PTGES3L: variants seen among roughly 807,000 people sequenced by gnomAD.
PTGES3L encodes the protein putative protein PTGES3L.
PTGES3L carries 17 observed loss-of-function variants against 25.0 expected under a neutral mutation model. That is an observed-to-expected ratio of 0.68 (90% CI 0.47 to 1.02). PTGES3L has a LOEUF of 1.02. PTGES3L is among the 50% of genes least tolerant of loss of function. The pLI is 0.00. For synonymous variants in PTGES3L, 59 were observed against 65.7 expected (o/e 0.90, Z 0.50); for missense variants, 202 against 197.5 (o/e 1.02, Z -0.14).
At chr17:42,973,210 G>T (rs865865515) in intron 4 of PTGES3L, among the ~76,000 whole-genome samples, 1 of 121,932 alleles carries the variant, frequency 8.2e-6, no homozygotes, top group Non-Finnish European at 1.8e-5. Flanking sequence ...TCAGCCCCCC[G>T]CCCGGCCAGC....
chr17:42,975,641 G>A (rs1316130236), intron 4 of PTGES3L, among the ~76,000 whole-genome samples: 1 of 152,032 alleles, frequency 6.6e-6, no homozygotes, highest in East Asian at 1.9e-4. Flanking sequence ...GGCATCTGGG[G>A]ATGTGTATCA....
rs748426851 is a variant in PTGES3L, at chr17:42,968,532, GAA to G, written c.*614_*615del. On this transcript the variant is annotated 3_prime_UTR_variant, in exon 7 of 7. Coordinates refer to ENST00000591916, the MANE Select transcript of PTGES3L (RefSeq NM_001261430.2). ...GGCGACAGAGCAAGACTCCATCTCG[GAA>G]AAAAAAAAAAAAAGTATAAAGAGAT... The G allele has an allele frequency of 7.3e-5, 10 of 136,108 alleles. No homozygotes were observed. The highest frequency in any genetic ancestry group is 9.6e-5 in the Non-Finnish European group (6 of 62,506). 8.4% of individuals were successfully genotyped at this position (136,108 alleles called of 1,614,324 possible).
At chr17:42,977,116 C>T (rs1043510334) in intron 4 of PTGES3L, among the ~76,000 whole-genome samples, 2 of 151,972 alleles carry the variant, frequency 1.3e-5, no homozygotes, top group African/African-American at 2.4e-5. Flanking sequence ...CATGGCAAAA[C>T]CCCATCTCTA....
At chr17:42,977,668 GGAGA>G (rs145991932) in intron 4 of PTGES3L, among the ~76,000 whole-genome samples, 145 of 140,024 alleles carry the variant, frequency 1.0e-3, no homozygotes, top group Middle Eastern at 3.6e-3. Context: ...AGGAAGGGAG[GGAGA>G]GAGAGAGAGA....
chr17:42,968,951 GATGTGGAGCC>G lies in PTGES3L; in HGVS notation c.*187_*196del. The G allele has an allele frequency of 1.9e-6, 1 of 529,674 alleles. No homozygotes were observed. Among genetic ancestry groups the G allele is most frequent in the Non-Finnish European group, 3.4e-6 (1 of 295,638 alleles). The allele number at this position is 529,674 out of a possible 1,614,324, so 32.8% of individuals were successfully genotyped here. On this transcript the variant is annotated 3_prime_UTR_variant, in exon 7 of 7. Transcript: ENST00000591916. ...TCTACCCCTCCCCGACCCTGCATCT[GATGTGGAGCC>G]ATAGTCAAGTGCCTAGGAGGAAGAC...
chr17:42,974,011 A>AC (rs912078681), intron 4 of PTGES3L, among the ~76,000 whole-genome samples: 4 of 149,864 alleles, frequency 2.7e-5, no homozygotes, highest in Non-Finnish European at 5.9e-5. Context: ...ATTAAAAAAA[A>AC]ATAAAAATAA....
At chr17:42,970,676 G>GCGCGCACACACACACACACA (rs1490786473) in intron 5 of PTGES3L, among the ~76,000 whole-genome samples, 12 of 144,190 alleles carry the variant, frequency 8.3e-5, no homozygotes, top group African/African-American at 3.2e-4. Flanking sequence ...CTTAACACGC[G>GCGCGCACACACACACACACA]CACACACACA....
At chr17:42,972,480 G>C (rs530457508) in intron 4 of PTGES3L, among the ~76,000 whole-genome samples, 4,465 of 151,818 alleles carry the variant, frequency 0.029, 230 homozygotes, top group African/African-American at 0.1. Context: ...TTGCAGGCAC[G>C]CACCGCCACG....
Position 42,969,190 on chromosome 17 carries a change from G to C in PTGES3L, c.433-4C>G, listed in dbSNP as rs533186249. ...CATCAGCACTGTCAGAATCATCCTG[G>C]GGGCGGGGGGGAAAAAAGACAAAGC... is the stretch of plus-strand genomic sequence containing the variant. On this transcript the variant is annotated splice_polypyrimidine_tract_variant and splice_region_variant and intron_variant, in intron 6 of 6. Coordinates refer to ENST00000591916, the MANE Select transcript of PTGES3L (RefSeq NM_001261430.2). 68 of 1,083,624 alleles carry C rather than the reference G, an allele frequency of 6.3e-5. No homozygotes were observed. Among genetic ancestry groups the C allele is most frequent in the Admixed American group, 1.8e-4 (5 of 27,876 alleles). The allele number at this position is 1,083,624 out of a possible 1,614,324, so 67.1% of individuals were successfully genotyped here.
intron 4 of PTGES3L, among the ~76,000 whole-genome samples, chr17:42,973,221 C>A (rs9675208): frequency 1.1e-4 from 1 of 9,062 alleles, no homozygotes; most frequent in African/African-American, 4.1e-4. Flanking sequence ...CCCGGCCAGC[C>A]GCCCCGTCCG....
chr17:42,977,579 G>C (rs2049977594), intron 4 of PTGES3L, among the ~76,000 whole-genome samples: 1 of 147,836 alleles, frequency 6.8e-6, no homozygotes, highest in Admixed American at 6.8e-5. Context: ...ACTCCAGCCT[G>C]GGCAACAAGA....
chr17:42,973,194 G>A (rs1443020125), intron 4 of PTGES3L, among the ~76,000 whole-genome samples: 3 of 147,812 alleles, frequency 2.0e-5, no homozygotes, highest in Non-Finnish European at 4.5e-5. Context: ...GGGAGGTGGG[G>A]GGGGGTCAGC....
Position 42,979,649 on chromosome 17 carries a change from G to T in PTGES3L, c.23C>A (p.Thr8Asn). The T allele has an allele frequency of 1.9e-6, 3 of 1,614,080 alleles. No individual in the cohort carries two copies. Among genetic ancestry groups the T allele is most frequent in the Non-Finnish European group, 2.5e-6 (3 of 1,180,006 alleles). Residue 8 changes from threonine to asparagine, a missense_variant, in exon 2 of 7, where the codon ACC becomes AAC. By Grantham distance (65) the Thr-to-Asn change is moderately conservative (BLOSUM62 0). Coordinates refer to ENST00000591916, the MANE Select transcript of PTGES3L (RefSeq NM_001261430.2). Reference sequence around the variant, plus strand: ...ATACCTGGGCCTGTCGTACCACAAGGTCCGGGCGTGCTGCCTGAAGAGAAG... The same window carrying T: ...ATACCTGGGCCTGTCGTACCACAAGTTCCGGGCGTGCTGCCTGAAGAGAAG... MARQHAR[T>N]LWYDRPRYVF... is the part of the protein sequence containing the mutation.
intron 4 of PTGES3L, among the ~76,000 whole-genome samples, chr17:42,975,839 G>C (rs2049944640): frequency 6.6e-6 from 1 of 151,594 alleles, no homozygotes; most frequent in Non-Finnish European, 1.5e-5. Flanking sequence ...ACCGCGCTCT[G>C]CTAACTTTCG....
intron 6 of PTGES3L, 67 bp from the exon 7 acceptor site, chr17:42,969,253 C>T: frequency 1.0e-6 from 1 of 967,720 alleles, no homozygotes; most frequent in East Asian, 2.7e-5. Context: ...TTTGTGTTAA[C>T]AAATACTGCT....
Position 42,979,254 on chromosome 17 carries a change from C to A in PTGES3L, c.204G>T (p.Lys68Asn), listed in dbSNP as rs2050026055. ...AKVNSKDSQD[K>N]RSSRSITCFV... ...AACAAGTAATAGAGCGGGAAGAGCG[C>A]TTATCCTGGGAGTCCTGCCAGATAG... is the stretch of plus-strand genomic sequence containing the variant. The change falls in exon 4 of 7, where the codon AAG (lysine) becomes AAT (asparagine). Residue 68 changes from lysine (K) to asparagine (N), a missense_variant. Lys to Asn is a moderately conservative substitution (Grantham distance 94, BLOSUM62 0). Coordinates refer to ENST00000591916, the MANE Select transcript of PTGES3L (RefSeq NM_001261430.2). The A allele has an allele frequency of 1.2e-6, 2 of 1,613,950 alleles. No individual in the cohort carries two copies.
Position 42,971,769 on chromosome 17 carries a change from T to G in PTGES3L, c.289-73A>C. On this transcript the variant is annotated intron_variant, in intron 4 of 6. Coordinates refer to ENST00000591916, the MANE Select transcript of PTGES3L (RefSeq NM_001261430.2). ...GAGTGTGTGGGAGAGTGTGGGCATA[T>G]GCATGGGAGCACGCCTGGGGAAAAG... 4 of 1,524,960 alleles carry G rather than the reference T, an allele frequency of 2.6e-6. No individual in the cohort carries two copies. The East Asian group carries it at 9.0e-5, about 34-fold the overall frequency. The allele number at this position is 1,524,960 out of a possible 1,614,324, so 94.5% of individuals were successfully genotyped here. A position where few individuals can be genotyped will look rare whatever the true frequency, so the allele number is the denominator to read the frequency against.
In PTGES3L at chr17:42,970,281, T is replaced by C. The variant is rs750255152; in HGVS notation, c.432+8A>G. ...AAACTGAAGGGTTGAGGGGAAGGCT[T>C]TACTTACATCCAAATCATCCATGGC... On this transcript the variant is annotated splice_region_variant and intron_variant, in intron 6 of 6. Coordinates refer to ENST00000591916, the MANE Select transcript of PTGES3L (RefSeq NM_001261430.2). 2 of 1,613,950 alleles carry C rather than the reference T, an allele frequency of 1.2e-6. No homozygotes were observed. The highest frequency in any genetic ancestry group is 8.5e-7 in the Non-Finnish European group (1 of 1,179,886).
At position 42,969,116 on chromosome 17, in the gene PTGES3L, C is replaced by T. The variant is rs1285846641; in HGVS notation, c.*32G>A. 6 of 1,523,520 alleles carry T rather than the reference C, an allele frequency of 3.9e-6. No individual in the cohort carries two copies. Among genetic ancestry groups the T allele is most frequent in the Middle Eastern group, 3.4e-4 (2 of 5,938 alleles). The allele number at this position is 1,523,520 out of a possible 1,614,324, so 94.4% of individuals were successfully genotyped here. ...TTCTAGAACAACTGGAAAATAGCCA[C>T]AGCTGCCTTCCCAGCTTTGCGTCAC... is the stretch of plus-strand genomic sequence containing the variant. On this transcript the variant is annotated 3_prime_UTR_variant, in exon 7 of 7. Transcript: ENST00000591916.
Sources: allele counts gnomAD v4.1 joint callset (sites outside exome capture counted in the v4.1 genomes callset), GRCh38; gene constraint gnomAD v4.1.1; transcripts MANE v1.5; gene names NCBI Gene and HGNC (gene_info 2026-07-23, HGNC 2026-07-21).